Variants in SPHKAP observed in about 807,000 individuals in gnomAD.
SPHKAP encodes the protein SPHK1 interactor, AKAP domain containing.
SPHKAP carries 67 observed loss-of-function variants against 137.5 expected under a neutral mutation model. The ratio of observed to expected loss-of-function variants is 0.49; its 90% CI spans 0.40 to 0.60. SPHKAP has a LOEUF of 0.60. SPHKAP is among the 20% of genes least tolerant of loss of function. SPHKAP has a pLI of 0.00. For synonymous variants in SPHKAP, 813 were observed against 785.3 expected (o/e 1.04, Z -0.59); for missense variants, 2,097 against 2,069.3 (o/e 1.01, Z -0.26).
intron 3 of SPHKAP, among the ~76,000 whole-genome samples, chr2:228,060,893 C>A (rs1051427994): frequency 6.6e-6 from 1 of 151,996 alleles, no homozygotes; most frequent in African/African-American, 2.4e-5. Context: ...CGAGAAAGGA[C>A]CATGGAAATA....
intron 3 of SPHKAP, among the ~76,000 whole-genome samples, chr2:228,044,022 G>T (rs1695942155): frequency 2.6e-5 from 4 of 152,170 alleles, no homozygotes; most frequent in Admixed American, 2.6e-4. Flanking sequence ...GTGAATAAGT[G>T]ATAGTGAACT....
chr2:228,181,467 G>C lies in SPHKAP; in HGVS notation c.32+100C>G, dbSNP rs533351561. 1.3e-6 allele frequency: 2 copies of C among 1,536,870 alleles called. No individual in the cohort carries two copies. Among genetic ancestry groups the C allele is most frequent in the South Asian group, 2.2e-5 (2 of 89,516 alleles). On this transcript the variant is annotated intron_variant, in intron 1 of 11. Transcript: ENST00000392056. The surrounding 1 kb of genome is among the most constrained non-coding windows in gnomAD (Gnocchi z 4.3). ...CCCCTGTCTCCTCGCTGGGAGCCCC[G>C]TGCAAACCGAAGCGCTCTGGGGCAA...
chr2:228,140,919 C>A (rs1461117113), intron 1 of SPHKAP, among the ~76,000 whole-genome samples: 1 of 152,180 alleles, frequency 6.6e-6, no homozygotes, highest in African/African-American at 2.4e-5. Context: ...TGTTATGCTT[C>A]TTGTACAGCC....
chr2:228,008,476 G>T (rs1217576942), intron 7 of SPHKAP, among the ~76,000 whole-genome samples: 1 of 151,882 alleles, frequency 6.6e-6, no homozygotes, highest in African/African-American at 2.4e-5. Flanking sequence ...TGTATTTTTA[G>T]TAGAGACAGC....
At chr2:228,116,413 TGA>T (rs1294784402) in intron 2 of SPHKAP, among the ~76,000 whole-genome samples, 1 of 152,110 alleles carries the variant, frequency 6.6e-6, no homozygotes, top group East Asian at 1.9e-4. Flanking sequence ...TTCCCGAAAA[TGA>T]GAGTGGTATT....
At chr2:228,148,481 T>C (rs756608692) in intron 1 of SPHKAP, among the ~76,000 whole-genome samples, 7 of 152,222 alleles carry the variant, frequency 4.6e-5, no homozygotes, top group Middle Eastern at 6.8e-3. Flanking sequence ...AGGGAAGGTG[T>C]GCAGCACAGT....
At chr2:228,035,295 A>G (rs1398358024) in intron 3 of SPHKAP, among the ~76,000 whole-genome samples, 1 of 151,338 alleles carries the variant, frequency 6.6e-6, no homozygotes, top group African/African-American at 2.4e-5. Context: ...CTTCAAAGAG[A>G]ATAAAATACC....
intron 1 of SPHKAP, among the ~76,000 whole-genome samples, chr2:228,170,375 A>G (rs2106426878): frequency 1.3e-5 from 2 of 152,242 alleles, no homozygotes; most frequent in Middle Eastern, 6.8e-3. Context: ...ATTGATTCTA[A>G]TTTTGAAAGT....
At chr2:228,053,746 T>A (rs1482442442) in intron 3 of SPHKAP, among the ~76,000 whole-genome samples, 1 of 152,212 alleles carries the variant, frequency 6.6e-6, no homozygotes, top group African/African-American at 2.4e-5. Flanking sequence ...AGATGTGAAA[T>A]GACTTGGCAT....
At chr2:228,127,266 CTG>C (rs1479224166) in intron 2 of SPHKAP, among the ~76,000 whole-genome samples, 1 of 152,102 alleles carries the variant, frequency 6.6e-6, no homozygotes, top group East Asian at 1.9e-4. Flanking sequence ...GTTCTGTAAT[CTG>C]TGATTAACAA....
intron 3 of SPHKAP, among the ~76,000 whole-genome samples, chr2:228,099,285 G>A (rs1698109379): frequency 6.6e-6 from 1 of 152,166 alleles, no homozygotes; most frequent in Admixed American, 6.5e-5. Flanking sequence ...TATTGAACAG[G>A]AAGTCCTTTC....
intron 3 of SPHKAP, among the ~76,000 whole-genome samples, chr2:228,062,425 G>A (rs912536820): frequency 6.6e-6 from 1 of 151,860 alleles, no homozygotes; most frequent in Non-Finnish European, 1.5e-5. Flanking sequence ...CACCACACCC[G>A]GCCTCCCCAG....
At chr2:228,152,967 A>G (rs1699981062) in intron 1 of SPHKAP, among the ~76,000 whole-genome samples, 1 of 151,982 alleles carries the variant, frequency 6.6e-6, no homozygotes, top group South Asian at 2.1e-4. Flanking sequence ...AGTTTCCCCT[A>G]TAACTGTTCT....
chr2:227,985,788 A>G (rs892983749), intron 11 of SPHKAP, among the ~76,000 whole-genome samples: 2 of 152,250 alleles, frequency 1.3e-5, no homozygotes, highest in South Asian at 2.1e-4. Flanking sequence ...TTACAAAACT[A>G]TATCATGAAA....
intron 3 of SPHKAP, among the ~76,000 whole-genome samples, chr2:228,069,095 C>G (rs13006034): frequency 0.016 from 2,484 of 152,140 alleles, 28 homozygotes; most frequent in Non-Finnish European, 0.024. Flanking sequence ...GGCAAAACCC[C>G]GTCTCTACTA....
intron 7 of SPHKAP, among the ~76,000 whole-genome samples, chr2:228,013,876 G>C (rs78066075): frequency 6.6e-6 from 1 of 152,176 alleles, no homozygotes. Flanking sequence ...GGAAGCAGAT[G>C]TAGGTCTTGA....
At chr2:228,099,805 C>T (rs1658349111) in intron 3 of SPHKAP, among the ~76,000 whole-genome samples, 1 of 151,188 alleles carries the variant, frequency 6.6e-6, no homozygotes, top group Middle Eastern at 3.5e-3. Flanking sequence ...TGTTATTTGG[C>T]TCTCATCTTG....
intron 1 of SPHKAP, among the ~76,000 whole-genome samples, chr2:228,179,866 C>A (rs906914245): frequency 6.6e-6 from 1 of 152,068 alleles, no homozygotes; most frequent in Non-Finnish European, 1.5e-5. Context: ...AGGATTCAGG[C>A]GCAGCTATAT....
At chr2:228,109,703 C>T (rs984840304) in intron 2 of SPHKAP, among the ~76,000 whole-genome samples, 1 of 152,086 alleles carries the variant, frequency 6.6e-6, no homozygotes, top group Non-Finnish European at 1.5e-5. Context: ...TGGTGGGTTA[C>T]ACCTGTAATC....
Sources: gnomAD v4.1 joint callset for allele counts (sites outside exome capture counted in the v4.1 genomes callset) on GRCh38, gnomAD v4.1.1 for gene constraint, Gnocchi (gnomAD v3.1) non-coding constraint, MANE v1.5 for transcripts, NCBI Gene and HGNC (gene_info 2026-07-23, HGNC 2026-07-21) for gene names.